Variants in DLGAP1 observed in about 807,000 individuals in gnomAD.
DLGAP1 encodes disks large-associated protein 1.
A neutral mutation model predicts 90.8 loss-of-function variants in DLGAP1; 11 were observed. The ratio of observed to expected loss-of-function variants is 0.12; its 90% CI spans 0.08 to 0.20. The LOEUF (loss-of-function observed/expected upper bound fraction) is 0.20, where lower values mean the gene tolerates loss of function less well. DLGAP1 is among the 10% of genes least tolerant of loss of function. The pLI is 1.00. For missense variants in DLGAP1, 1,050 were observed against 1,333.8 expected (o/e 0.79, Z 3.31); for synonymous variants, 558 against 540.7 (o/e 1.03, Z -0.44).
chr18:4,163,506 G>A (rs1008149964), intron 1 of DLGAP1, among the ~76,000 whole-genome samples: 1 of 152,192 alleles, frequency 6.6e-6, no homozygotes, highest in Non-Finnish European at 1.5e-5. Flanking sequence ...GCAGTTTATT[G>A]TAACTTATTT....
intron 7 of DLGAP1, among the ~76,000 whole-genome samples, chr18:3,693,325 T>C (rs2060964844): frequency 6.6e-6 from 1 of 152,054 alleles, no homozygotes; most frequent in Non-Finnish European, 1.5e-5. Context: ...TGGGCTCAAG[T>C]GATTCTTCCA....
intron 2 of DLGAP1, among the ~76,000 whole-genome samples, chr18:4,146,879 C>G (rs557235432): frequency 1.1e-4 from 16 of 151,968 alleles, no homozygotes; most frequent in African/African-American, 3.9e-4. Context: ...TAAAAACATA[C>G]AAAATAAATT....
chr18:3,849,795 C>T (rs1177114657), intron 4 of DLGAP1, among the ~76,000 whole-genome samples: 1 of 152,160 alleles, frequency 6.6e-6, no homozygotes, highest in Non-Finnish European at 1.5e-5. Context: ...TGCCTCTACT[C>T]GGGGCCTAGT....
At chr18:4,045,646 A>G (rs1040454748) in intron 2 of DLGAP1, among the ~76,000 whole-genome samples, 1 of 151,704 alleles carries the variant, frequency 6.6e-6, no homozygotes, top group African/African-American at 2.4e-5. Context: ...TTTTGCTATC[A>G]TAATCATATT....
Position 4,068,102 on chromosome 18 carries a change from C to A in DLGAP1, c.-158-62901G>T, listed in dbSNP as rs188287100. ...CCCTCCTTCTCATTTAGACATATTC[C>A]TTTTCTCTGTTTTGTTTCTCCTTTG... On this transcript the variant is annotated intron_variant, in intron 2 of 12. Transcript: ENST00000315677. Among the ~76,000 whole-genome samples the A allele has an allele frequency of 1.9e-3, 281 of 151,884 alleles. 1 individual carries two copies. The highest frequency in any genetic ancestry group is 6.4e-3 in the African/African-American group (266 of 41,436).
Position 3,992,412 on chromosome 18 carries a change from T to G in DLGAP1, c.-73+12704A>C, listed in dbSNP as rs185186115. 3.4e-3 allele frequency among the ~76,000 whole-genome samples: 525 copies of G among 152,250 alleles called. 5 individuals carry two copies. Among genetic ancestry groups the G allele is most frequent in the African/African-American group, 0.012 (499 of 41,542 alleles). On this transcript the variant is annotated intron_variant, in intron 3 of 12. Coordinates refer to ENST00000315677, the MANE Select transcript of DLGAP1 (RefSeq NM_004746.4). Reference sequence around the variant, plus strand: ...TGGAGTCTCAGCTGGGTACGGTGGTTTACGCCTGTAATCCCAACACTTTGG... The same window carrying G: ...TGGAGTCTCAGCTGGGTACGGTGGTGTACGCCTGTAATCCCAACACTTTGG...
chr18:4,333,977 G>A (rs1598922185), intron 1 of DLGAP1, among the ~76,000 whole-genome samples: 1 of 151,506 alleles, frequency 6.6e-6, no homozygotes, highest in South Asian at 2.1e-4. Flanking sequence ...GGTGGCTCAC[G>A]CCTGTAATCC....
At chr18:4,367,621 G>A (rs545081992) in intron 1 of DLGAP1, among the ~76,000 whole-genome samples, 7 of 152,164 alleles carry the variant, frequency 4.6e-5, no homozygotes, top group African/African-American at 1.2e-4. Flanking sequence ...AGGCCGAGGC[G>A]GTTGGATCAT....
At chr18:4,405,108 G>C (rs2082635797) in intron 1 of DLGAP1, among the ~76,000 whole-genome samples, 1 of 152,152 alleles carries the variant, frequency 6.6e-6, no homozygotes, top group South Asian at 2.1e-4. Context: ...CATAAGTGAG[G>C]TTTCAGCACT....
intron 10 of DLGAP1, among the ~76,000 whole-genome samples, chr18:3,528,537 T>C (rs1404823515): frequency 6.6e-6 from 1 of 152,196 alleles, no homozygotes; most frequent in Non-Finnish European, 1.5e-5. Context: ...TGTGTATCTG[T>C]TCTATCAGAC....
At chr18:3,899,885 ATCC>A (rs2071744172) in intron 3 of DLGAP1, among the ~76,000 whole-genome samples, 1 of 152,158 alleles carries the variant, frequency 6.6e-6, no homozygotes, top group South Asian at 2.1e-4. Context: ...CATGATCAAC[ATCC>A]TGTGTCCTGT....
At chr18:3,821,867 G>C in intron 4 of DLGAP1, 1 of 977,944 alleles carries the variant, frequency 1.0e-6, no homozygotes, top group Non-Finnish European at 1.2e-6. Flanking sequence ...AGCACTTTTA[G>C]TGGGCTCTCA....
In DLGAP1 at chr18:4,198,599, G is replaced by C. The variant is rs143586728; in HGVS notation, c.-266-47312C>G. On this transcript the variant is annotated intron_variant, in intron 1 of 12. Coordinates refer to ENST00000315677, the MANE Select transcript of DLGAP1 (RefSeq NM_004746.4). The stretch of plus-strand genomic sequence containing the variant: ...ATGGAAACTTTTTAATCTCGAAAAT[G>C]AAACCCATATATTTGATAGGATGAA... 8.3e-3 allele frequency among the ~76,000 whole-genome samples: 1,257 copies of C among 152,264 alleles called. 10 individuals carry two copies. The highest frequency in any genetic ancestry group is 0.014 in the Non-Finnish European group (966 of 68,016).
intron 8 of DLGAP1, among the ~76,000 whole-genome samples, chr18:3,579,429 C>T (rs941562183): frequency 1.3e-5 from 2 of 152,282 alleles, no homozygotes; most frequent in African/African-American, 4.8e-5. Context: ...AGGCTAGTCT[C>T]GAACTCCCGA....
At chr18:4,320,769 C>A (rs2080665969) in intron 1 of DLGAP1, among the ~76,000 whole-genome samples, 2 of 144,664 alleles carry the variant, frequency 1.4e-5, no homozygotes, top group Admixed American at 6.9e-5. Context: ...CACACAATAC[C>A]AATGCAAAAA....
At chr18:4,160,517 A>G (rs1659969661) in intron 1 of DLGAP1, among the ~76,000 whole-genome samples, 1 of 152,212 alleles carries the variant, frequency 6.6e-6, no homozygotes, top group African/African-American at 2.4e-5. Context: ...TTTCATTTAA[A>G]ATTCACAATA....
chr18:4,434,641 G>C (rs1362411669), intron 1 of DLGAP1, among the ~76,000 whole-genome samples: 1 of 152,106 alleles, frequency 6.6e-6, no homozygotes, highest in African/African-American at 2.4e-5. Context: ...CAAGAGGCTG[G>C]TTCTTCTCAA....
At chr18:4,018,605 G>A (rs2074559810) in intron 2 of DLGAP1, among the ~76,000 whole-genome samples, 1 of 152,186 alleles carries the variant, frequency 6.6e-6, no homozygotes, top group Non-Finnish European at 1.5e-5. Flanking sequence ...GCATATAAAG[G>A]ACATTTAACA....
intron 2 of DLGAP1, among the ~76,000 whole-genome samples, chr18:4,064,425 A>C (rs2075342552): frequency 8.3e-6 from 1 of 120,278 alleles, no homozygotes; most frequent in Non-Finnish European, 1.7e-5. Context: ...TTCTTGAAAA[A>C]ATTAATACAA....
Sources: allele counts gnomAD v4.1 joint callset (sites outside exome capture counted in the v4.1 genomes callset), GRCh38; gene constraint gnomAD v4.1.1; transcripts MANE v1.5; gene names NCBI Gene and HGNC (gene_info 2026-07-23, HGNC 2026-07-21).